FERMT2: variants seen among roughly 807,000 people sequenced by gnomAD.
The protein encoded by FERMT2 is FERM domain containing kindlin 2.
In FERMT2, 15 loss-of-function variants were observed where a neutral mutation model predicts 82.7. That is an observed-to-expected ratio of 0.18 (90% CI 0.12 to 0.28). The LOEUF (loss-of-function observed/expected upper bound fraction) is 0.28. Ranked by LOEUF, FERMT2 falls within the 10% of genes least tolerant of loss-of-function variation. The pLI, the probability that FERMT2 is intolerant of heterozygous loss-of-function variation, is 1.00. For synonymous variants in FERMT2, 274 were observed against 271.5 expected, an observed-to-expected ratio of 1.01 and a Z score of -0.09; for missense variants, 645 against 809.4, an observed-to-expected ratio of 0.80 and a Z score of 2.46.
chr14:52,913,968 T>C (rs545106487), intron 3 of FERMT2, among the ~76,000 whole-genome samples: 4 of 152,046 alleles, frequency 2.6e-5, no homozygotes, highest in East Asian at 1.9e-4. Context: ...ACCACATAGG[T>C]AGGTTCTTGT....
Position 52,857,758 on chromosome 14 carries a change from G to A in FERMT2, c.*619C>T, listed in dbSNP as rs538658338. Reference sequence around the variant, plus strand: ...GTGATTATGCTGGTGAATACTAAAAGTGTAATACAATATGGTGTAAAAATA... The same window carrying A: ...GTGATTATGCTGGTGAATACTAAAAATGTAATACAATATGGTGTAAAAATA... On this transcript the variant is annotated 3_prime_UTR_variant, in exon 15 of 15. Transcript: ENST00000341590. 148 of 152,794 alleles carry A rather than the reference G, an allele frequency of 9.7e-4. 1 individual carries two copies. Among genetic ancestry groups the A allele is most frequent in the Non-Finnish European group, 1.6e-3 (107 of 68,088 alleles). 9.5% of individuals were successfully genotyped at this position (152,794 alleles called of 1,614,324 possible). A position where few individuals can be genotyped will look rare whatever the true frequency, so the allele number is the denominator to read the frequency against.
chr14:52,875,491 A>T, intron 7 of FERMT2, 134 bp from the exon 8 acceptor site: 1 of 600,552 alleles, frequency 1.7e-6, no homozygotes, highest in Middle Eastern at 4.5e-4. Flanking sequence ...AACTAGAACG[A>T]TAGGAAATAA....
chr14:52,938,636 G>C (rs190990661), intron 2 of FERMT2, among the ~76,000 whole-genome samples: 3 of 152,044 alleles, frequency 2.0e-5, no homozygotes, highest in Admixed American at 6.5e-5. Context: ...GTGCGATCTC[G>C]GCTCAGTGCA....
chr14:52,896,844 A>T (rs976765593), intron 3 of FERMT2, among the ~76,000 whole-genome samples: 1 of 151,756 alleles, frequency 6.6e-6, no homozygotes, highest in African/African-American at 2.4e-5. Flanking sequence ...ATTTTTTTTT[A>T]AATTAGCCAG....
intron 3 of FERMT2, among the ~76,000 whole-genome samples, chr14:52,912,252 C>T (rs374035956): frequency 6.6e-6 from 1 of 152,110 alleles, no homozygotes; most frequent in Non-Finnish European, 1.5e-5. Flanking sequence ...CTTTTGTTTT[C>T]GACAATTTCA....
chr14:52,881,340 C>T lies in FERMT2; in HGVS notation c.656G>A (p.Gly219Asp). The T allele has an allele frequency of 6.2e-7, 1 of 1,613,944 alleles. No homozygotes were observed. Among genetic ancestry groups the T allele is most frequent in the Non-Finnish European group, 8.5e-7 (1 of 1,179,992 alleles). ...GDSALSEGNP[G>D]ILAVSQPITS... Reference sequence around the variant, plus strand: ...GATTGGTTGACTGACAGCAAGTATACCAGGATTGCCTTCTGACAAAGCACT... The same window carrying T: ...GATTGGTTGACTGACAGCAAGTATATCAGGATTGCCTTCTGACAAAGCACT... The change falls in exon 5 of 15, where the codon GGT (glycine) becomes GAT (aspartate). Residue 219 changes from glycine to aspartate, a missense_variant. Gly to Asp is a moderately conservative substitution (Grantham distance 94, BLOSUM62 -1). Coordinates refer to ENST00000341590, the MANE Select transcript of FERMT2 (RefSeq NM_006832.3).
At chr14:52,914,393 C>A (rs1888501155) in intron 3 of FERMT2, among the ~76,000 whole-genome samples, 1 of 139,126 alleles carries the variant, frequency 7.2e-6, no homozygotes, top group Non-Finnish European at 1.6e-5. Flanking sequence ...CAAAACAAAA[C>A]AGGAAAAGAT....
At chr14:52,892,956 G>C (rs1346509935) in intron 4 of FERMT2, among the ~76,000 whole-genome samples, 1 of 152,202 alleles carries the variant, frequency 6.6e-6, no homozygotes, top group Admixed American at 6.5e-5. Flanking sequence ...GAGAGAAACT[G>C]ACACTGGATA....
chr14:52,902,021 G>A (rs943175250), intron 3 of FERMT2, among the ~76,000 whole-genome samples: 1 of 151,842 alleles, frequency 6.6e-6, no homozygotes, highest in Non-Finnish European at 1.5e-5. Context: ...AGACTACAGA[G>A]AACAAAACAC....
intron 4 of FERMT2, among the ~76,000 whole-genome samples, chr14:52,887,514 C>T (rs1886682607): frequency 6.6e-6 from 1 of 151,612 alleles, no homozygotes; most frequent in African/African-American, 2.4e-5. Context: ...ATTTAGCAAA[C>T]ATTCCTATTA....
intron 4 of FERMT2, chr14:52,881,916 A>C: frequency 3.8e-6 from 2 of 522,790 alleles, no homozygotes; most frequent in Non-Finnish European, 6.1e-6. Flanking sequence ...AAAATGAGAA[A>C]AAGAAAAAAC....
chr14:52,932,751 C>G (rs1299883473), intron 2 of FERMT2, among the ~76,000 whole-genome samples: 2 of 152,160 alleles, frequency 1.3e-5, no homozygotes, highest in African/African-American at 2.4e-5. Context: ...TCTAGAAAGA[C>G]CAGAAGTGAA....
intron 3 of FERMT2, among the ~76,000 whole-genome samples, chr14:52,916,196 T>C (rs2139629834): frequency 6.6e-6 from 1 of 151,836 alleles, no homozygotes; most frequent in Admixed American, 6.6e-5. Context: ...ATACAAAAAT[T>C]AGCCCGGTTT....
intron 10 of FERMT2, chr14:52,871,375 G>A (rs1261185172): frequency 6.6e-6 from 1 of 152,310 alleles, no homozygotes; most frequent in African/African-American, 2.4e-5. Context: ...TGTGCCAAGG[G>A]TGTGTGCTCA....
At chr14:52,907,024 T>A (rs969064374) in intron 3 of FERMT2, among the ~76,000 whole-genome samples, 90 of 109,490 alleles carry the variant, frequency 8.2e-4, no homozygotes, top group Admixed American at 3.8e-3. Flanking sequence ...AAAAAAAAAA[T>A]GTTTTTGAGA....
intron 4 of FERMT2, among the ~76,000 whole-genome samples, chr14:52,884,740 C>T (rs1374608982): frequency 1.3e-5 from 2 of 152,094 alleles, no homozygotes; most frequent in Non-Finnish European, 2.9e-5. Flanking sequence ...GTGGCTCATG[C>T]CTGTAATCCC....
At chr14:52,933,683 C>T (rs1199345517) in intron 2 of FERMT2, among the ~76,000 whole-genome samples, 3 of 132,000 alleles carry the variant, frequency 2.3e-5, no homozygotes, top group African/African-American at 8.7e-5. Context: ...GCACTCCAGC[C>T]TGGGCAACAA....
chr14:52,948,947 TTAAA>T (rs1229269463), intron 2 of FERMT2, among the ~76,000 whole-genome samples: 6 of 152,356 alleles, frequency 3.9e-5, no homozygotes, highest in African/African-American at 9.6e-5. Flanking sequence ...ATTTTCCTTC[TTAAA>T]TAATCTCATA....
Position 52,901,653 on chromosome 14 carries a change from T to C in FERMT2, c.392-8226A>G, listed in dbSNP as rs150994360. 4.5e-4 allele frequency among the ~76,000 whole-genome samples: 68 copies of C among 152,216 alleles called. No individual in the cohort carries two copies. In the East Asian group the frequency reaches 0.011, roughly 25 times the overall value. ...GATAGAGGAAGGGGGCAACAAGCAA[T>C]GTGGAGAGCCTCTAGGAGCTGAGAA... is the stretch of plus-strand genomic sequence containing the variant. On this transcript the variant is annotated intron_variant, in intron 3 of 14. Transcript: ENST00000341590.
Sources: gnomAD v4.1 joint callset for allele counts (sites outside exome capture counted in the v4.1 genomes callset) on GRCh38, gnomAD v4.1.1 for gene constraint, MANE v1.5 for transcripts, NCBI Gene and HGNC (gene_info 2026-07-23, HGNC 2026-07-21) for gene names.